The following IL1RAP variants were observed in gnomAD, a reference collection of about 807,000 sequenced individuals.
The protein encoded by IL1RAP is interleukin-1 receptor accessory protein.
In IL1RAP, 35 loss-of-function variants were observed where a neutral mutation model predicts 60.7. That is an observed-to-expected ratio of 0.58 (90% confidence interval 0.44 to 0.76). IL1RAP has a LOEUF of 0.76. Among genes scored for constraint, IL1RAP ranks in the 30% least tolerant of loss-of-function variants. The pLI is 0.00. For synonymous variants in IL1RAP, 268 were observed against 250.9 expected (o/e 1.07, Z -0.64); for missense variants, 572 against 693.9 (o/e 0.82, Z 1.97).
intron 2 of IL1RAP, among the ~76,000 whole-genome samples, chr3:190,559,511 T>C (rs1241116506): frequency 6.6e-6 from 1 of 152,200 alleles, no homozygotes; most frequent in East Asian, 1.9e-4. Flanking sequence ...GATAAGCCTT[T>C]AGTGCTACAA....
At chr3:190,575,445 C>CATT (rs1212817416) in intron 3 of IL1RAP, among the ~76,000 whole-genome samples, 1 of 152,104 alleles carries the variant, frequency 6.6e-6, no homozygotes, top group Non-Finnish European at 1.5e-5. Flanking sequence ...ATAAATAAGG[C>CATT]ATTATATTGA....
intron 1 of IL1RAP, among the ~76,000 whole-genome samples, chr3:190,546,835 T>C (rs1322447773): frequency 6.6e-6 from 1 of 152,194 alleles, no homozygotes; most frequent in African/African-American, 2.4e-5. Flanking sequence ...ATCTGTGTCA[T>C]CTATTCACAT....
chr3:190,516,370 A>G (rs780199845), intron 1 of IL1RAP: 1 of 152,344 alleles, frequency 6.6e-6, no homozygotes, highest in Non-Finnish European at 1.5e-5. Context: ...AAAATGTTCA[A>G]AATAAGGTCA....
chr3:190,515,599 C>T (rs775212529), intron 1 of IL1RAP, among the ~76,000 whole-genome samples: 30 of 151,902 alleles, frequency 2.0e-4, no homozygotes, highest in Middle Eastern at 3.4e-3. Flanking sequence ...TGATGTTTCT[C>T]GGTGATATGA....
intron 3 of IL1RAP, among the ~76,000 whole-genome samples, chr3:190,578,688 C>A: frequency 6.6e-6 from 1 of 152,140 alleles, no homozygotes; most frequent in East Asian, 1.9e-4. Flanking sequence ...AAGACATACC[C>A]AAGACTGGGT....
At chr3:190,640,955 C>A (rs1452131503) in intron 9 of IL1RAP, among the ~76,000 whole-genome samples, 3 of 151,874 alleles carry the variant, frequency 2.0e-5, no homozygotes, top group Non-Finnish European at 2.9e-5. Context: ...ATAGGAAATT[C>A]TTTTTTTATT....
chr3:190,595,062 TTC>T, intron 3 of IL1RAP, among the ~76,000 whole-genome samples: 1 of 152,264 alleles, frequency 6.6e-6, no homozygotes, highest in South Asian at 2.1e-4. Context: ...TTCTATATTG[TTC>T]TTTGTTCCCT....
chr3:190,555,562 T>C (rs1316230235), intron 1 of IL1RAP, among the ~76,000 whole-genome samples: 2 of 152,226 alleles, frequency 1.3e-5, no homozygotes, highest in East Asian at 3.9e-4. Context: ...TCCTTCAGCC[T>C]GGAACAGCCT....
intron 5 of IL1RAP, among the ~76,000 whole-genome samples, chr3:190,616,485 T>C (rs1731281603): frequency 6.6e-6 from 1 of 152,180 alleles, no homozygotes; most frequent in Admixed American, 6.5e-5. Flanking sequence ...TAGGAGGGAC[T>C]TTGTAAATAT....
intron 5 of IL1RAP, among the ~76,000 whole-genome samples, chr3:190,617,543 A>G (rs1009637095): frequency 3.9e-5 from 6 of 152,210 alleles, no homozygotes; most frequent in African/African-American, 1.4e-4. Flanking sequence ...TAGTCAGACA[A>G]GTGTTTGCTT....
At chr3:190,659,421 C>T (rs1577844037) in exon 12 of IL1RAP, 1 of 152,122 alleles carries the variant, frequency 6.6e-6, no homozygotes, top group East Asian at 1.9e-4. Context: ...TATACTTCTA[C>T]TGTATGGAGA....
intron 1 of IL1RAP, among the ~76,000 whole-genome samples, chr3:190,542,518 A>G (rs1412383510): frequency 6.6e-6 from 1 of 152,180 alleles, no homozygotes; most frequent in East Asian, 1.9e-4. Flanking sequence ...TAATGTACTT[A>G]ACATATGGCA....
intron 5 of IL1RAP, 152 bp downstream of exon 5, chr3:190,609,333 C>A: frequency 1.1e-5 from 6 of 541,650 alleles, no homozygotes; most frequent in Non-Finnish European, 1.6e-5. Context: ...AGCACGTCCT[C>A]ATTTTGTACC....
At chr3:190,631,081 A>G (rs1369779497) in intron 9 of IL1RAP, among the ~76,000 whole-genome samples, 1 of 152,126 alleles carries the variant, frequency 6.6e-6, no homozygotes, top group Admixed American at 6.5e-5. Context: ...TTTAGTTAGG[A>G]CCCATTCAAG....
chr3:190,568,964 A>T (rs1484481373), intron 3 of IL1RAP, among the ~76,000 whole-genome samples: 2 of 152,208 alleles, frequency 1.3e-5, no homozygotes, highest in Non-Finnish European at 2.9e-5. Context: ...TACCAAATAG[A>T]ATTCCGTGAG....
In IL1RAP at chr3:190,609,200, C is replaced by A; in HGVS notation, c.537+19C>A. 1.3e-6 allele frequency: 2 copies of A among 1,529,160 alleles called. No individual in the cohort carries two copies. Among genetic ancestry groups the A allele is most frequent in the African/African-American group, 1.4e-5 (1 of 72,558 alleles). The allele number at this position is 1,529,160 out of a possible 1,614,324, so 94.7% of individuals were successfully genotyped here. A position where few individuals can be genotyped will look rare whatever the true frequency, so the allele number is the denominator to read the frequency against. ...GTATATGGTAAGGAAAATTAGACTA[C>A]ATTTTATTCTCTCTAATGGCTTATA... On this transcript the variant is annotated intron_variant, in intron 5 of 11. Coordinates refer to ENST00000447382, the MANE Select transcript of IL1RAP (RefSeq NM_002182.4).
intron 3 of IL1RAP, among the ~76,000 whole-genome samples, chr3:190,573,338 C>T (rs1560180266): frequency 6.6e-6 from 1 of 152,148 alleles, no homozygotes; most frequent in Non-Finnish European, 1.5e-5. Context: ...TTGCAATTGA[C>T]ACTGAGCTGT....
chr3:190,569,086 C>G (rs1726680341), intron 3 of IL1RAP, among the ~76,000 whole-genome samples: 1 of 152,174 alleles, frequency 6.6e-6, no homozygotes. Flanking sequence ...CAGGGCAACT[C>G]AAAAGATAGT....
chr3:190,560,897 A>G (rs1725832784), intron 2 of IL1RAP, among the ~76,000 whole-genome samples: 1 of 152,214 alleles, frequency 6.6e-6, no homozygotes, highest in Non-Finnish European at 1.5e-5. Flanking sequence ...GCTAAATGAT[A>G]TAGTCATTAA....
Sources: gnomAD v4.1 joint callset for allele counts (sites outside exome capture counted in the v4.1 genomes callset) on GRCh38, gnomAD v4.1.1 for gene constraint, MANE v1.5 for transcripts, NCBI Gene and HGNC (gene_info 2026-07-23, HGNC 2026-07-21) for gene names.